The following CTNNA3 variants were observed in gnomAD, a reference collection of about 807,000 sequenced individuals.
The protein encoded by CTNNA3 is catenin alpha 3, also known as catenin alpha-3.
CTNNA3 carries 76 observed loss-of-function variants against 95.7 expected under a neutral mutation model. The observed-to-expected ratio is 0.79, with a 90% CI of 0.66 to 0.96. CTNNA3 has a LOEUF of 0.96. Ranked by LOEUF, CTNNA3 falls within the 40% of genes least tolerant of loss-of-function variation. The probability of loss-of-function intolerance (pLI) is 0.00; values close to 1 mark genes in which losing one functional copy is unlikely to be tolerated. For missense variants in CTNNA3, 1,191 were observed against 1,089.8 expected (o/e 1.09, Z -1.31); for synonymous variants, 431 against 374.4 (o/e 1.15, Z -1.74).
At chr10:67,484,834 A>G (rs1413589787) in intron 5 of CTNNA3, among the ~76,000 whole-genome samples, 1 of 152,184 alleles carries the variant, frequency 6.6e-6, no homozygotes, top group Non-Finnish European at 1.5e-5. Flanking sequence ...TGGCAAGGCT[A>G]TGGAGAAAAA....
At chr10:67,161,242 A>T (rs982874820) in intron 7 of CTNNA3, among the ~76,000 whole-genome samples, 3 of 152,122 alleles carry the variant, frequency 2.0e-5, no homozygotes, top group Non-Finnish European at 2.9e-5. Context: ...CTGAAGATCA[A>T]GAGAGAAGAA....
At chr10:66,645,197 AT>A (rs1845663460) in intron 9 of CTNNA3, among the ~76,000 whole-genome samples, 1 of 152,054 alleles carries the variant, frequency 6.6e-6, no homozygotes. Context: ...CAAAGTTAGC[AT>A]TTTACATTTT....
At chr10:66,333,137 GC>G (rs2092351753) in intron 12 of CTNNA3, among the ~76,000 whole-genome samples, 1 of 150,908 alleles carries the variant, frequency 6.6e-6, no homozygotes, top group South Asian at 2.1e-4. Context: ...TATTAGTCTT[GC>G]TAGCGGCCTA....
chr10:67,747,314 T>C (rs571615403), intron 1 of CTNNA3, among the ~76,000 whole-genome samples: 1 of 152,294 alleles, frequency 6.6e-6, no homozygotes, highest in East Asian at 1.9e-4. Context: ...CTGGATCCCA[T>C]GCCCCCCAAC....
chr10:66,359,264 A>G (rs2092635525), intron 12 of CTNNA3, among the ~76,000 whole-genome samples: 1 of 152,186 alleles, frequency 6.6e-6, no homozygotes, highest in South Asian at 2.1e-4. Context: ...AAAGGGACAG[A>G]ACAGGAAAGT....
At chr10:67,040,893 T>TA (rs1854351020) in intron 7 of CTNNA3, among the ~76,000 whole-genome samples, 1 of 152,100 alleles carries the variant, frequency 6.6e-6, no homozygotes, top group Admixed American at 6.6e-5. Flanking sequence ...GAGACAAAGA[T>TA]AAAAAAGACC....
intron 12 of CTNNA3, among the ~76,000 whole-genome samples, chr10:66,377,506 T>C (rs1250725421): frequency 2.0e-5 from 3 of 152,038 alleles, no homozygotes; most frequent in African/African-American, 7.2e-5. Context: ...AACAGTGGCA[T>C]AAAACTGTAA....
intron 10 of CTNNA3, among the ~76,000 whole-genome samples, chr10:66,525,068 AAAAG>A (rs927540930): frequency 6.6e-6 from 1 of 151,998 alleles, no homozygotes; most frequent in African/African-American, 2.4e-5. Context: ...AAAAGAAAAG[AAAAG>A]AAAGAAAGAA....
At chr10:67,576,536 T>G (rs190108634) in intron 3 of CTNNA3, among the ~76,000 whole-genome samples, 16 of 151,124 alleles carry the variant, frequency 1.1e-4, no homozygotes, top group African/African-American at 3.9e-4. Flanking sequence ...TGCATTCAGA[T>G]AGTTTCTTTA....
In CTNNA3 at chr10:66,003,554, C is replaced by T. The variant is rs1296977761; in HGVS notation, c.2160-14757G>A. 2.6e-5 allele frequency among the ~76,000 whole-genome samples: 4 copies of T among 151,900 alleles called. No homozygotes were observed. In the East Asian group the frequency reaches 7.8e-4, roughly 29 times the overall value. On this transcript the variant is annotated intron_variant, in intron 15 of 17. Coordinates refer to ENST00000433211, the MANE Select transcript of CTNNA3 (RefSeq NM_013266.4). ...AAAATCCCAAGAAAAAACACAAAAC[C>T]CATAGGTGAAATCAAAGGTAGAATT...
intron 9 of CTNNA3, among the ~76,000 whole-genome samples, chr10:66,702,294 A>T (rs1156242926): frequency 6.6e-6 from 1 of 151,028 alleles, no homozygotes; most frequent in Non-Finnish European, 1.5e-5. Context: ...CTGTGTGCTG[A>T]TTTTTTTTTA....
intron 2 of CTNNA3, among the ~76,000 whole-genome samples, chr10:67,611,497 T>C (rs1485466879): frequency 6.6e-6 from 1 of 152,016 alleles, no homozygotes. Flanking sequence ...TTGTATTTTT[T>C]AGTAGAGACA....
chr10:66,337,055 T>TA (rs1034981991), intron 12 of CTNNA3, among the ~76,000 whole-genome samples: 7 of 152,058 alleles, frequency 4.6e-5, no homozygotes, highest in Admixed American at 2.0e-4. Flanking sequence ...TTGGGAAATG[T>TA]AAAAAAATGC....
intron 9 of CTNNA3, among the ~76,000 whole-genome samples, chr10:66,685,563 A>G (rs1240834876): frequency 6.0e-5 from 9 of 149,732 alleles, no homozygotes; most frequent in African/African-American, 1.2e-4. Flanking sequence ...TAGTAGAGAC[A>G]GGGTTTCACC....
chr10:66,702,453 T>G (rs1056595284), intron 9 of CTNNA3, among the ~76,000 whole-genome samples: 2 of 152,062 alleles, frequency 1.3e-5, no homozygotes, highest in East Asian at 3.9e-4. Context: ...GAAGTCTCCC[T>G]TTGGGATTAC....
rs373251914 is a variant in CTNNA3, at chr10:66,048,531, C to T, written c.2159+20777G>A. 9.2e-5 allele frequency among the ~76,000 whole-genome samples: 14 copies of T among 152,170 alleles called. No homozygotes were observed. In the South Asian group the frequency reaches 1.0e-3, roughly 11 times the overall value. ...ATCCCAGCACTTTGGGAGGCTGAGA[C>T]GGGCGGATCACGAGGTCAGGAGATC... On this transcript the variant is annotated intron_variant, in intron 15 of 17. Coordinates refer to ENST00000433211, the MANE Select transcript of CTNNA3 (RefSeq NM_013266.4).
At chr10:67,519,086 C>G (rs1287446018) in intron 5 of CTNNA3, among the ~76,000 whole-genome samples, 1 of 152,048 alleles carries the variant, frequency 6.6e-6, no homozygotes, top group African/African-American at 2.4e-5. Flanking sequence ...TGCCCTGACC[C>G]AAGGAATAGC....
intron 7 of CTNNA3, among the ~76,000 whole-genome samples, chr10:67,001,078 G>A (rs990438131): frequency 2.6e-5 from 4 of 151,944 alleles, no homozygotes; most frequent in Non-Finnish European, 4.4e-5. Flanking sequence ...CGAGGTGGGT[G>A]GATCATGAGG....
intron 7 of CTNNA3, among the ~76,000 whole-genome samples, chr10:66,867,094 C>T (rs892168663): frequency 2.0e-5 from 3 of 150,756 alleles, no homozygotes; most frequent in Non-Finnish European, 4.4e-5. Flanking sequence ...CCTCCCTGGC[C>T]ACGTGGAACT....
Sources: allele counts gnomAD v4.1 joint callset (sites outside exome capture counted in the v4.1 genomes callset), GRCh38; gene constraint gnomAD v4.1.1; transcripts MANE v1.5; gene names NCBI Gene and HGNC (gene_info 2026-07-23, HGNC 2026-07-21).